The following USP42 variants were observed in gnomAD, a reference collection of about 807,000 sequenced individuals.
USP42 encodes the protein ubiquitin carboxyl-terminal hydrolase 42.
In USP42, 23 loss-of-function variants were observed where a neutral mutation model predicts 113.0. The observed-to-expected ratio is 0.20, with a 90% CI of 0.15 to 0.29. The LOEUF is 0.29. Among genes scored for constraint, USP42 ranks in the 10% least tolerant of loss-of-function variants. The pLI is 1.00. For synonymous variants in USP42, 933 were observed against 699.0 expected (o/e 1.33, Z -5.28); for missense variants, 2,174 against 1,779.8 (o/e 1.22, Z -3.99).
chr7:6,134,551 C>T (rs1042400217), intron 3 of USP42, among the ~76,000 whole-genome samples: 4 of 152,192 alleles, frequency 2.6e-5, no homozygotes, highest in Admixed American at 2.0e-4. Flanking sequence ...GCTCCTCAGC[C>T]TCGGTGCTGC....
Position 6,154,729 on chromosome 7 carries a change from T to A in USP42, c.3175T>A (p.Cys1059Ser). The A allele has an allele frequency of 1.3e-6, 2 of 1,585,656 alleles. No individual in the cohort carries two copies. Among genetic ancestry groups the A allele is most frequent in the Non-Finnish European group, 1.7e-6 (2 of 1,167,572 alleles). The change falls in exon 15 of 18, where the codon TGC becomes AGC. Residue 1059 changes from cysteine (C) to serine (S), a missense_variant. By Grantham distance (112) the Cys-to-Ser change is moderately radical. Coordinates refer to ENST00000306177, the MANE Select transcript of USP42 (RefSeq NM_032172.3). ...CCCCGACAGGCCGCGCTGGGACAGG[T>A]GCCGGTACTACCATGACAGGTACGC... is the stretch of plus-strand genomic sequence containing the variant. ...FYPDRPRWDRCRYYHDRYALY... is the reference protein window; with the variant it reads ...FYPDRPRWDRSRYYHDRYALY...
upstream of USP42, among the ~76,000 whole-genome samples, chr7:6,104,241 C>G (rs1317235485): frequency 6.6e-6 from 1 of 151,260 alleles, no homozygotes; most frequent in African/African-American, 2.5e-5. Context: ...CGCCACCACG[C>G]CCGGCTAATT....
Position 6,156,854 on chromosome 7 carries a change from G to A in USP42, c.3742G>A (p.Glu1248Lys). The A allele has an allele frequency of 1.9e-6, 3 of 1,610,940 alleles. No individual in the cohort carries two copies. The highest frequency in any genetic ancestry group is 2.2e-5 in the South Asian group (2 of 90,554). ...KKKKRHSRKS[E>K]DFVKDSELHL... Reference sequence around the variant, plus strand: ...AAAGAAGAGACATTCAAGAAAATCAGAGGACTTTGTTAAAGATTCAGAACT... The same window carrying A: ...AAAGAAGAGACATTCAAGAAAATCAAAGGACTTTGTTAAAGATTCAGAACT... Residue 1248 changes from glutamate (E) to lysine (K), a missense_variant, in exon 16 of 18, where the codon GAG (glutamate) becomes AAG (lysine). Transcript: ENST00000306177.
intron 3 of USP42, among the ~76,000 whole-genome samples, chr7:6,116,116 A>C (rs1297288640): frequency 1.3e-5 from 2 of 151,464 alleles, no homozygotes; most frequent in African/African-American, 2.4e-5. Context: ...AAAAAAAAAA[A>C]AAAAACGTCT....
At chr7:6,104,259 T>C (rs1779121025), upstream of USP42, among the ~76,000 whole-genome samples, 1 of 151,156 alleles carries the variant, frequency 6.6e-6, no homozygotes, top group South Asian at 2.1e-4. Context: ...ATTTTTTGTA[T>C]CTTTAGTAGA....
chr7:6,103,268 C>T (rs117330863), upstream of USP42, among the ~76,000 whole-genome samples: 3 of 151,052 alleles, frequency 2.0e-5, no homozygotes, highest in East Asian at 1.9e-4. Flanking sequence ...AAAATCTGGA[C>T]GGGGTGAACA....
upstream of USP42, chr7:6,104,760 C>G (rs1026091354): frequency 4.6e-5 from 7 of 152,204 alleles, no homozygotes; most frequent in South Asian, 8.3e-4. Flanking sequence ...TCGCCCACGG[C>G]TCTTGGGCGA....
In USP42 at chr7:6,155,511, A is replaced by G. The variant is rs138155742; in HGVS notation, c.3641+316A>G. Among the ~76,000 whole-genome samples the G allele has an allele frequency of 7.7e-3, 1,169 of 152,304 alleles. 24 individuals are homozygous for G. The highest frequency in any genetic ancestry group is 0.026 in the African/African-American group (1,082 of 41,566). The stretch of plus-strand genomic sequence containing the variant: ...GGAGTAAGCATGCAGTGTTCCATCA[A>G]TGAACAATTGGGAGTCTTTGACCTT... On this transcript the variant is annotated intron_variant, in intron 15 of 17. Coordinates refer to ENST00000306177, the MANE Select transcript of USP42 (RefSeq NM_032172.3).
intron 4 of USP42, among the ~76,000 whole-genome samples, chr7:6,137,222 G>A (rs916503979): frequency 5.9e-5 from 9 of 152,186 alleles, no homozygotes; most frequent in Non-Finnish European, 1.2e-4. Flanking sequence ...AGCCACTGAA[G>A]ATTAAAGAGG....
At position 6,156,862 on chromosome 7, in the gene USP42, T is replaced by C. The variant is rs562879022; in HGVS notation, c.3750T>C (p.Phe1250=). ...KKRHSRKSED[F]VKDSELHLPR... ...GACATTCAAGAAAATCAGAGGACTTTGTTAAAGATTCAGAACTGCACTTAC... is the reference window on the plus strand; with the variant it reads ...GACATTCAAGAAAATCAGAGGACTTCGTTAAAGATTCAGAACTGCACTTAC... Residue 1250 remains phenylalanine, a synonymous_variant, in exon 16 of 18, where the codon TTT becomes TTC. Coordinates refer to ENST00000306177, the MANE Select transcript of USP42 (RefSeq NM_032172.3). 8 of 1,611,772 alleles carry C rather than the reference T, an allele frequency of 5.0e-6. No individual in the cohort carries two copies. In the East Asian group the frequency reaches 8.9e-5, roughly 18 times the overall value.
chr7:6,090,351 T>C, the USP42 span, among the ~76,000 whole-genome samples: 12 of 142,658 alleles, frequency 8.4e-5, no homozygotes, highest in South Asian at 2.5e-3. Context: ...TATATATTTA[T>C]ATATATATTT....
At chr7:6,091,211 TTTCTC>T in the USP42 span, among the ~76,000 whole-genome samples, 2 of 150,974 alleles carry the variant, frequency 1.3e-5, no homozygotes, top group Non-Finnish European at 2.9e-5. Context: ...ACACTTTTCT[TTTCTC>T]TTCTCTTCTC....
rs1343262224 is a variant in USP42 at position 6,150,239 on chromosome 7, C to G, written c.2043C>G (p.Cys681Trp). The G allele has an allele frequency of 1.9e-6, 3 of 1,613,722 alleles. No homozygotes were observed. The African/African-American group carries it at 4.0e-5, about 22-fold the overall frequency. The change falls in exon 13 of 18, where the codon TGC becomes TGG. Residue 681 changes from cysteine to tryptophan, a missense_variant. Transcript: ENST00000306177. ...GCCTAGCGCCTGATGGTGCCAGCTG[C>G]CAAGGCCAGCCTGCCCTGCACTCAG... is the stretch of plus-strand genomic sequence containing the variant. ...ENGLAPDGAS[C>W]QGQPALHSEN...
At chr7:6,144,301 GCTAA>G in intron 9 of USP42, 105 bp downstream of exon 9, 1 of 726,566 alleles carries the variant, frequency 1.4e-6, no homozygotes, top group Non-Finnish European at 2.2e-6. Flanking sequence ...TGACAAAATT[GCTAA>G]CTATTACCTA....
intron 3 of USP42, among the ~76,000 whole-genome samples, chr7:6,128,495 G>A (rs2128492857): frequency 6.6e-6 from 1 of 152,122 alleles, no homozygotes; most frequent in East Asian, 1.9e-4. Flanking sequence ...TTTACTTTCA[G>A]CCTGCCTGTG....
rs1385410002 is a variant in USP42, at chr7:6,154,129, C to T, written c.2575C>T (p.Pro859Ser). ...AEAPEGLSPAPPARSEEPCEQ... is the reference protein window; with the variant it reads ...AEAPEGLSPASPARSEEPCEQ... ...AGCCCCGGAAGGGTTGAGTCCGGCTCCGCCTGCGCGGTCGGAGGAGCCCTG... is the reference window on the plus strand; with the variant it reads ...AGCCCCGGAAGGGTTGAGTCCGGCTTCGCCTGCGCGGTCGGAGGAGCCCTG... Residue 859 changes from proline (P) to serine (S), a missense_variant, in exon 15 of 18, where the codon CCG (proline) becomes TCG (serine). Coordinates refer to ENST00000306177, the MANE Select transcript of USP42 (RefSeq NM_032172.3). 3.1e-6 allele frequency: 5 copies of T among 1,598,850 alleles called. No individual in the cohort carries two copies. The highest frequency in any genetic ancestry group is 1.7e-4 in the Middle Eastern group (1 of 6,028).
intron 3 of USP42, 37 bp downstream of exon 3, chr7:6,115,560 C>T (rs762672598): frequency 3.3e-5 from 52 of 1,596,324 alleles, no homozygotes; most frequent in Middle Eastern, 1.7e-4. Context: ...TATTGTAGTG[C>T]GCTAACCTAC....
intron 3 of USP42, among the ~76,000 whole-genome samples, chr7:6,124,407 A>G (rs545342774): frequency 1.2e-3 from 179 of 151,734 alleles, no homozygotes; most frequent in African/African-American, 4.2e-3. Context: ...AGCTGGGACT[A>G]CGGGTGCACC....
chr7:6,087,335 C>T, the USP42 span, among the ~76,000 whole-genome samples: 534 of 145,944 alleles, frequency 3.7e-3, 33 homozygotes, highest in African/African-American at 0.013. Context: ...CTGGCCTAAG[C>T]GCTTCTTTTT....
Sources: allele counts gnomAD v4.1 joint callset (sites outside exome capture counted in the v4.1 genomes callset), GRCh38; gene constraint gnomAD v4.1.1; transcripts MANE v1.5; gene names NCBI Gene and HGNC (gene_info 2026-07-23, HGNC 2026-07-21).